The following PHACTR1 variants were observed in gnomAD, a reference collection of about 807,000 sequenced individuals.
PHACTR1 encodes the protein RPEL repeat containing 1.
PHACTR1 carries 16 observed loss-of-function variants against 69.2 expected under a neutral mutation model. The observed-to-expected ratio is 0.23, with a 90% CI of 0.16 to 0.35. The LOEUF (loss-of-function observed/expected upper bound fraction) is 0.35. Among genes scored for constraint, PHACTR1 ranks in the 10% least tolerant of loss-of-function variants. The probability of loss-of-function intolerance (pLI) is 1.00; values close to 1 mark genes in which losing one functional copy is unlikely to be tolerated. For missense variants in PHACTR1, 510 were observed against 734.7 expected (o/e 0.69, Z 3.54); for synonymous variants, 312 against 284.5 (o/e 1.10, Z -0.97).
intron 4 of PHACTR1, among the ~76,000 whole-genome samples, chr6:12,947,174 T>C (rs960426437): frequency 6.6e-6 from 1 of 151,976 alleles, no homozygotes; most frequent in Non-Finnish European, 1.5e-5. Context: ...TTCCAACTTC[T>C]AGATTAAAAA....
chr6:12,731,203 A>G (rs908380582), intron 3 of PHACTR1, among the ~76,000 whole-genome samples: 2 of 152,012 alleles, frequency 1.3e-5, no homozygotes, highest in African/African-American at 4.8e-5. Flanking sequence ...TTCAGTAGAG[A>G]TGGGGTTTCA....
At chr6:12,858,361 A>C (rs1278981464) in intron 4 of PHACTR1, among the ~76,000 whole-genome samples, 1 of 152,240 alleles carries the variant, frequency 6.6e-6, no homozygotes, top group Non-Finnish European at 1.5e-5. Context: ...GTTAATTTAG[A>C]GGTAAATATA....
chr6:12,911,308 T>G (rs1174580352), intron 4 of PHACTR1, among the ~76,000 whole-genome samples: 1 of 152,146 alleles, frequency 6.6e-6, no homozygotes. Flanking sequence ...TTGGGGGCTT[T>G]GTGTTTCAGA....
At position 12,924,129 on chromosome 6, in the gene PHACTR1, A is replaced by G. The variant is rs144515883; in HGVS notation, c.251-129236A>G. On this transcript the variant is annotated intron_variant, in intron 4 of 14. Transcript: ENST00000332995. ...GGAGGCAGTAGTTTAGATGATATAA[A>G]ATATTTGCCCTTAAAGCTAAATTGA... Among the ~76,000 whole-genome samples, 81 of 152,322 alleles carry G rather than the reference A, an allele frequency of 5.3e-4. 1 individual carries two copies. In the East Asian group the frequency reaches 0.013, roughly 25 times the overall value.
intron 4 of PHACTR1, among the ~76,000 whole-genome samples, chr6:12,939,488 C>T (rs1480341895): frequency 2.6e-5 from 4 of 152,106 alleles, no homozygotes; most frequent in African/African-American, 9.7e-5. Context: ...GTTAACCAGT[C>T]ACTTCTCGTA....
chr6:12,748,826 A>C (rs1561845523), intron 3 of PHACTR1, among the ~76,000 whole-genome samples: 1 of 152,172 alleles, frequency 6.6e-6, no homozygotes, highest in Non-Finnish European at 1.5e-5. Context: ...AGAAAAGGCC[A>C]CTCAATTCTG....
intron 5 of PHACTR1, among the ~76,000 whole-genome samples, chr6:13,145,109 A>G (rs1329968076): frequency 6.6e-6 from 1 of 152,222 alleles, no homozygotes; most frequent in Non-Finnish European, 1.5e-5. Context: ...GAGCATGTCT[A>G]TTCTGCTTTG....
At chr6:13,267,352 A>C (rs1407330722) in intron 10 of PHACTR1, 1 of 152,292 alleles carries the variant, frequency 6.6e-6, no homozygotes, top group African/African-American at 2.4e-5. Context: ...GAGTGATAAC[A>C]TAATTCTAGG....
intron 5 of PHACTR1, among the ~76,000 whole-genome samples, chr6:13,063,780 A>G (rs996565107): frequency 1.5e-5 from 2 of 135,926 alleles, no homozygotes; most frequent in African/African-American, 3.1e-5. Context: ...ACCCTGTCTG[A>G]AAAAAAAAAA....
chr6:13,136,374 C>A (rs535760263), intron 5 of PHACTR1, among the ~76,000 whole-genome samples: 1 of 152,346 alleles, frequency 6.6e-6, no homozygotes, highest in African/African-American at 2.4e-5. Flanking sequence ...TTTTCTTCCA[C>A]AGCTTCCTCA....
intron 5 of PHACTR1, among the ~76,000 whole-genome samples, chr6:13,080,156 C>G (rs1438531505): frequency 6.6e-6 from 1 of 152,124 alleles, no homozygotes; most frequent in East Asian, 1.9e-4. Context: ...TTGGATGTCT[C>G]TGAACTTCAC....
chr6:13,095,661 T>C (rs903780796), intron 5 of PHACTR1, among the ~76,000 whole-genome samples: 1 of 150,714 alleles, frequency 6.6e-6, no homozygotes, highest in East Asian at 2.0e-4. Flanking sequence ...GAATGGAGGA[T>C]GCAGGCAAAG....
In PHACTR1 at chr6:12,887,424, T is replaced by G. The variant is rs578080308; in HGVS notation, c.250+137634T>G. ...CCCTGTTCTTCATTTCCCCAAATCTTACTTGCGAACTGAAAACCTGCCGGC... is the reference window on the plus strand; with the variant it reads ...CCCTGTTCTTCATTTCCCCAAATCTGACTTGCGAACTGAAAACCTGCCGGC... On this transcript the variant is annotated intron_variant, in intron 4 of 14. Coordinates refer to ENST00000332995, the MANE Select transcript of PHACTR1 (RefSeq NM_030948.6). 2.6e-5 allele frequency among the ~76,000 whole-genome samples: 4 copies of G among 152,324 alleles called. No homozygotes were observed. The South Asian group carries it at 8.3e-4, about 32-fold the overall frequency.
intron 10 of PHACTR1, among the ~76,000 whole-genome samples, chr6:13,249,073 T>G (rs988784856): frequency 1.3e-5 from 2 of 152,180 alleles, no homozygotes; most frequent in African/African-American, 4.8e-5. Flanking sequence ...GTTCGTGGCT[T>G]ATCAGCATTA....
intron 4 of PHACTR1, among the ~76,000 whole-genome samples, chr6:12,912,325 A>G (rs191309255): frequency 2.2e-3 from 331 of 152,320 alleles, no homozygotes; most frequent in South Asian, 2.7e-3. Flanking sequence ...TCTCAAGAGC[A>G]GACAAGGGTA....
intron 4 of PHACTR1, among the ~76,000 whole-genome samples, chr6:12,918,804 A>G (rs1787304191): frequency 2.0e-5 from 3 of 152,226 alleles, no homozygotes. Flanking sequence ...TCTATTGGTG[A>G]AAGAGACCAT....
At chr6:12,879,774 A>G (rs1204788249) in intron 4 of PHACTR1, among the ~76,000 whole-genome samples, 2 of 152,184 alleles carry the variant, frequency 1.3e-5, no homozygotes, top group African/African-American at 4.8e-5. Context: ...TGAAGTGTCA[A>G]GATTTGAACC....
chr6:12,736,653 A>G (rs1199028866), intron 3 of PHACTR1, among the ~76,000 whole-genome samples: 1 of 152,210 alleles, frequency 6.6e-6, no homozygotes, highest in African/African-American at 2.4e-5. Context: ...TAACCTTTGG[A>G]AACTCTCCTA....
chr6:12,830,047 AGAAG>A lies in PHACTR1; in HGVS notation c.250+80273_250+80276del, dbSNP rs142925668. On this transcript the variant is annotated intron_variant, in intron 4 of 14. Transcript: ENST00000332995. ...GAAAGAAAGAAAGGAAAGAAAAGAAAGAAGGAAGGAAGGAAGGAAAAGAAAGAAG... is the reference window on the plus strand; with the variant it reads ...GAAAGAAAGAAAGGAAAGAAAAGAAAGAAGGAAGGAAGGAAAAGAAAGAAG... Among the ~76,000 whole-genome samples, 534 of 137,832 alleles carry A rather than the reference AGAAG, an allele frequency of 3.9e-3. 6 individuals are homozygous for A. The highest frequency in any genetic ancestry group is 6.8e-3 in the Non-Finnish European group (428 of 62,784). 90.4% of individuals were successfully genotyped at this position (137,832 alleles called of 152,430 possible).
Sources: allele counts gnomAD v4.1 joint callset (sites outside exome capture counted in the v4.1 genomes callset), GRCh38; gene constraint gnomAD v4.1.1; transcripts MANE v1.5; gene names NCBI Gene and HGNC (gene_info 2026-07-23, HGNC 2026-07-21).